Variants in AFF1 observed in about 807,000 individuals in gnomAD.
The protein encoded by AFF1 is AF4/FMR2 family member 1.
Under a neutral mutation model 121.7 loss-of-function variants are expected in AFF1, and 48 were observed. The ratio of observed to expected loss-of-function variants is 0.39; its 90% CI spans 0.31 to 0.50. The LOEUF is 0.50. AFF1 is among the 20% of genes least tolerant of loss of function. AFF1 has a pLI of 0.76. For synonymous variants in AFF1, 613 were observed against 563.0 expected, an observed-to-expected ratio of 1.09 and a Z score of -1.26; for missense variants, 1,523 against 1,511.7, an observed-to-expected ratio of 1.01 and a Z score of -0.12.
At chr4:86,975,900 C>A (rs1405708901) in intron 2 of AFF1, among the ~76,000 whole-genome samples, 1 of 152,016 alleles carries the variant, frequency 6.6e-6, no homozygotes, top group Non-Finnish European at 1.5e-5. Flanking sequence ...GCATGAAGAT[C>A]AATTTTAGAT....
At chr4:87,049,244 A>T (rs1020227516) in intron 4 of AFF1, among the ~76,000 whole-genome samples, 1 of 152,222 alleles carries the variant, frequency 6.6e-6, no homozygotes, top group African/African-American at 2.4e-5. Context: ...TGCCAGAGAA[A>T]TCGGTCCTTG....
chr4:87,128,288 C>G (rs1728488081), intron 16 of AFF1, among the ~76,000 whole-genome samples: 1 of 152,218 alleles, frequency 6.6e-6, no homozygotes, highest in Admixed American at 6.5e-5. Context: ...GCTTTAAAAA[C>G]ATGAATTCTC....
intron 8 of AFF1, among the ~76,000 whole-genome samples, chr4:87,099,074 A>G: frequency 6.6e-6 from 1 of 152,238 alleles, no homozygotes; most frequent in East Asian, 1.9e-4. Flanking sequence ...CTTTACTTGT[A>G]GCATATTTAA....
Position 87,104,521 on chromosome 4 carries a change from G to A in AFF1, c.1284-1107G>A, listed in dbSNP as rs115686892. Among the ~76,000 whole-genome samples the A allele has an allele frequency of 4.6e-3, 707 of 152,278 alleles. 4 individuals carry two copies. Among genetic ancestry groups the A allele is most frequent in the Middle Eastern group, 0.017 (5 of 294 alleles). On this transcript the variant is annotated intron_variant, in intron 8 of 20. Transcript: ENST00000395146. ...GTATGTTTTTAGTACATTTATGAAA[G>A]TTGTTTCTTGGCAGAATTACCACCT...
intron 2 of AFF1, chr4:87,007,425 G>A (rs1424299953): frequency 1.2e-6 from 2 of 1,614,006 alleles, no homozygotes; most frequent in African/African-American, 1.3e-5. Flanking sequence ...CCCAGTCAAG[G>A]TAAGCCGTGC....
chr4:87,026,574 A>G (rs1204526950), intron 2 of AFF1, among the ~76,000 whole-genome samples: 1 of 152,108 alleles, frequency 6.6e-6, no homozygotes, highest in Non-Finnish European at 1.5e-5. Flanking sequence ...TGTAGTAGGA[A>G]GTGGTAGGGA....
At chr4:87,089,034 C>G (rs561505393) in intron 5 of AFF1, among the ~76,000 whole-genome samples, 1 of 152,130 alleles carries the variant, frequency 6.6e-6, no homozygotes, top group East Asian at 1.9e-4. Context: ...TGAGCTGCTG[C>G]GCCCGGCCGC....
chr4:87,083,775 A>C (rs1368686051), intron 4 of AFF1, among the ~76,000 whole-genome samples: 1 of 152,000 alleles, frequency 6.6e-6, no homozygotes, highest in Non-Finnish European at 1.5e-5. Flanking sequence ...ATTTCATCCA[A>C]ATGTAAAGTT....
intron 1 of AFF1, among the ~76,000 whole-genome samples, chr4:86,938,064 G>T (rs1172517622): frequency 6.6e-6 from 1 of 152,196 alleles, no homozygotes; most frequent in Non-Finnish European, 1.5e-5. Context: ...TCTGTAATTT[G>T]TGGGCCCAAA....
chr4:87,089,852 A>G (rs895195432), intron 5 of AFF1, 132 bp from the exon 6 acceptor site: 3 of 619,804 alleles, frequency 4.8e-6, no homozygotes, highest in Non-Finnish European at 8.1e-6. Context: ...TTTTTTAAGT[A>G]CATGAAATAA....
chr4:87,115,423 G>C (rs889809167), intron 12 of AFF1, 124 bp downstream of exon 12: 2 of 1,038,586 alleles, frequency 1.9e-6, no homozygotes, highest in Admixed American at 2.9e-5. Flanking sequence ...GCTTTGATTC[G>C]CTGTAGCCTT....
At chr4:87,007,856 G>A (rs947900687) in intron 2 of AFF1, among the ~76,000 whole-genome samples, 1 of 152,182 alleles carries the variant, frequency 6.6e-6, no homozygotes, top group Non-Finnish European at 1.5e-5. Context: ...GAGAGGGTGG[G>A]TGAGAATTTG....
At chr4:87,127,199 C>T in intron 15 of AFF1, 82 bp downstream of exon 15, 2 of 1,196,630 alleles carry the variant, frequency 1.7e-6, no homozygotes, top group Non-Finnish European at 2.4e-6. Flanking sequence ...CTCACTCTGT[C>T]ACCCAGGCTG....
chr4:87,002,868 A>G (rs1725833630), intron 2 of AFF1, among the ~76,000 whole-genome samples: 1 of 151,950 alleles, frequency 6.6e-6, no homozygotes, highest in South Asian at 2.1e-4. Flanking sequence ...AAGTTTAACA[A>G]AGGTTGTACT....
intron 2 of AFF1, among the ~76,000 whole-genome samples, chr4:87,039,227 C>G (rs551150168): frequency 1.3e-5 from 2 of 152,322 alleles, no homozygotes; most frequent in South Asian, 4.1e-4. Context: ...ATCACTCTCA[C>G]TAATCCTTAC....
chr4:87,103,529 C>T (rs1050828407), intron 8 of AFF1, among the ~76,000 whole-genome samples: 8 of 152,150 alleles, frequency 5.3e-5, no homozygotes, highest in African/African-American at 1.4e-4. Flanking sequence ...GATCACAGTC[C>T]GTACTCTTTA....
intron 11 of AFF1, 28 bp from the exon 12 acceptor site, chr4:87,114,339 A>C: frequency 6.4e-7 from 1 of 1,561,186 alleles, no homozygotes; most frequent in Non-Finnish European, 8.6e-7. Flanking sequence ...TGGTCAGTTA[A>C]CACTTTTCTT....
intron 1 of AFF1, among the ~76,000 whole-genome samples, chr4:86,945,469 CAT>C (rs1422472573): frequency 1.4e-5 from 2 of 147,860 alleles, no homozygotes; most frequent in East Asian, 2.0e-4. Context: ...GGACCACAGA[CAT>C]GTGCCACCTT....
At chr4:87,006,832 G>A (rs1364801497) in intron 2 of AFF1, among the ~76,000 whole-genome samples, 1 of 152,216 alleles carries the variant, frequency 6.6e-6, no homozygotes, top group African/African-American at 2.4e-5. Context: ...TCGGCGCCCA[G>A]GCTCTGCCCC....
Sources: allele counts gnomAD v4.1 joint callset (sites outside exome capture counted in the v4.1 genomes callset), GRCh38; gene constraint gnomAD v4.1.1; transcripts MANE v1.5; gene names NCBI Gene and HGNC (gene_info 2026-07-23, HGNC 2026-07-21).